CAST: variants seen among roughly 807,000 people sequenced by gnomAD.
The protein encoded by CAST is MIR583 host.
In CAST, 76 loss-of-function variants were observed where a neutral mutation model predicts 119.6. That is an observed-to-expected ratio of 0.64 (90% CI 0.53 to 0.77). CAST has a LOEUF of 0.77. CAST is among the 30% of genes least tolerant of loss of function. CAST has a pLI of 0.00. For synonymous variants in CAST, 319 were observed against 331.6 expected (o/e 0.96, Z 0.41); for missense variants, 953 against 946.5 (o/e 1.01, Z -0.09).
At chr5:96,362,058 C>T in the CAST span, among the ~76,000 whole-genome samples, 6 of 151,990 alleles carry the variant, frequency 3.9e-5, no homozygotes, top group Non-Finnish European at 7.4e-5. Flanking sequence ...TGTTCAATTC[C>T]CACCTATGGG....
chr5:96,432,062 C>T, the CAST span: 1 of 1,514,550 alleles, frequency 6.6e-7, no homozygotes, highest in Non-Finnish European at 8.9e-7. Flanking sequence ...AGCTGAAATT[C>T]CCGGGAAAAC....
the CAST span, among the ~76,000 whole-genome samples, chr5:96,443,766 A>G: frequency 2.0e-5 from 3 of 152,194 alleles, no homozygotes; most frequent in Admixed American, 6.6e-5. Flanking sequence ...TTATTTAACA[A>G]TTGCCTACGC....
chr5:96,016,277 G>C, the CAST span, among the ~76,000 whole-genome samples: 1 of 152,212 alleles, frequency 6.6e-6, no homozygotes, highest in Non-Finnish European at 1.5e-5. Flanking sequence ...AACCATGAGT[G>C]ATACATTCGT....
At chr5:96,044,713 G>A in the CAST span, among the ~76,000 whole-genome samples, 52 of 152,146 alleles carry the variant, frequency 3.4e-4, no homozygotes, top group Middle Eastern at 0.01. Flanking sequence ...ACTTACCCAA[G>A]TGTCTATCAA....
At chr5:96,065,140 T>C in the CAST span, among the ~76,000 whole-genome samples, 1 of 152,146 alleles carries the variant, frequency 6.6e-6, no homozygotes, top group African/African-American at 2.4e-5. Context: ...GTGAGAGGGA[T>C]AGTACATTTC....
the CAST span, among the ~76,000 whole-genome samples, chr5:96,086,751 C>A: frequency 6.6e-6 from 1 of 151,998 alleles, no homozygotes; most frequent in Admixed American, 6.6e-5. Flanking sequence ...TCAGGATAAC[C>A]CCGGTGAATT....
At chr5:96,164,685 A>G in the CAST span, among the ~76,000 whole-genome samples, 1 of 152,246 alleles carries the variant, frequency 6.6e-6, no homozygotes, top group Non-Finnish European at 1.5e-5. Context: ...TTCATGAGCA[A>G]CCAGAGTACA....
At chr5:96,519,859 G>A in the CAST span, among the ~76,000 whole-genome samples, 1 of 152,268 alleles carries the variant, frequency 6.6e-6, no homozygotes, top group Middle Eastern at 3.4e-3. Flanking sequence ...CACCCACCTT[G>A]GCCTTCCAAA....
the CAST span, among the ~76,000 whole-genome samples, chr5:96,228,172 G>A: frequency 6.6e-6 from 1 of 152,104 alleles, no homozygotes; most frequent in East Asian, 1.9e-4. Flanking sequence ...AGAGAGAGCA[G>A]AGTAGGAGGA....
the CAST span, among the ~76,000 whole-genome samples, chr5:96,304,332 G>C: frequency 2.6e-5 from 4 of 152,256 alleles, no homozygotes; most frequent in South Asian, 8.3e-4. Flanking sequence ...TAAGTTCTTT[G>C]TATATTCTGG....
At chr5:96,188,637 C>T in the CAST span, among the ~76,000 whole-genome samples, 1 of 152,222 alleles carries the variant, frequency 6.6e-6, no homozygotes, top group East Asian at 1.9e-4. Flanking sequence ...TTCCCTCCCC[C>T]CTTTAATATC....
the CAST span, among the ~76,000 whole-genome samples, chr5:96,366,464 C>T: frequency 6.6e-6 from 1 of 152,216 alleles, no homozygotes; most frequent in African/African-American, 2.4e-5. Flanking sequence ...TTCAGGTACA[C>T]CAATGAGACG....
the CAST span, among the ~76,000 whole-genome samples, chr5:96,469,879 A>AAT: frequency 4.8e-4 from 52 of 107,414 alleles, no homozygotes; most frequent in African/African-American, 1.2e-3. Flanking sequence ...ATATATATAT[A>AAT]ATATATATAT....
intron 1 of CAST, among the ~76,000 whole-genome samples, chr5:96,635,724 C>T (rs1408923642): frequency 6.6e-6 from 1 of 152,176 alleles, no homozygotes; most frequent in Non-Finnish European, 1.5e-5. Flanking sequence ...ACTAGCTCCT[C>T]CAAAACTGAG....
chr5:96,695,815 C>A (rs765894363), intron 2 of CAST, 21 bp from the exon 3 acceptor site: 1 of 1,563,406 alleles, frequency 6.4e-7, no homozygotes, highest in Non-Finnish European at 8.8e-7. Flanking sequence ...CCCATTGAAA[C>A]TAATATTTTC....
At chr5:96,468,055 C>CA in the CAST span, among the ~76,000 whole-genome samples, 2 of 151,640 alleles carry the variant, frequency 1.3e-5, no homozygotes. Flanking sequence ...ACTACTCAGC[C>CA]AAAAAAAGCC....
intron 1 of CAST, among the ~76,000 whole-genome samples, chr5:96,622,851 G>A (rs1420964598): frequency 9.0e-6 from 1 of 111,456 alleles, no homozygotes; most frequent in Non-Finnish European, 1.8e-5. Flanking sequence ...AAGGACTTAT[G>A]GGACTCTTTT....
chr5:96,181,888 G>A, the CAST span, among the ~76,000 whole-genome samples: 10 of 152,100 alleles, frequency 6.6e-5, no homozygotes, highest in African/African-American at 2.2e-4. Flanking sequence ...TAAACATACC[G>A]AGGAAGATTA....
rs1773165072 is a variant in CAST at position 96,773,410 on chromosome 5, G to T, written c.*794G>T. 6.6e-6 allele frequency: 1 copy of T among 152,436 alleles called. No homozygotes were observed. Among genetic ancestry groups the T allele is most frequent in the African/African-American group, 2.4e-5 (1 of 41,402 alleles). The allele number at this position is 152,436 out of a possible 1,614,324, so 9.4% of individuals were successfully genotyped here. ...AAATAAAATCTAATTAATTCTTAGG[G>T]TACTCATCTGACTTGAACTCTGTTG... is the stretch of plus-strand genomic sequence containing the variant. On this transcript the variant is annotated 3_prime_UTR_variant, in exon 32 of 32. Coordinates refer to ENST00000675179, the MANE Select transcript of CAST (RefSeq NM_001750.7).
Sources: allele counts gnomAD v4.1 joint callset (sites outside exome capture counted in the v4.1 genomes callset), GRCh38; gene constraint gnomAD v4.1.1; transcripts MANE v1.5; gene names NCBI Gene and HGNC (gene_info 2026-07-23, HGNC 2026-07-21).